Variants in GNG7 observed in about 807,000 individuals in gnomAD.
GNG7 encodes the protein guanine nucleotide-binding protein G(I)/G(S)/G(O) subunit gamma-7.
Under a neutral mutation model 4.0 loss-of-function variants are expected in GNG7, and 1 was observed. The ratio of observed to expected loss-of-function variants is 0.25; its 90% CI spans 0.09 to 1.18. The LOEUF is 1.18. GNG7 is among the 50% of genes most tolerant of loss of function. GNG7 has a pLI of 0.50. For missense variants in GNG7, 86 were observed against 91.9 expected (o/e 0.94, Z 0.26); for synonymous variants, 34 against 36.9 (o/e 0.92, Z 0.29).
In GNG7 at chr19:2,571,588, C is replaced by CTTTTTTTTTTTTTTTTTTTTTTTT. The variant is rs779497111; in HGVS notation, c.-77-16424_-77-16401dup. On this transcript the variant is annotated intron_variant, in intron 2 of 4. Coordinates refer to ENST00000382159, the MANE Select transcript of GNG7 (RefSeq NM_052847.3). ...GGTCACTTTTCTTTTCATTTCTTTC[C>CTTTTTTTTTTTTTTTTTTTTTTTT]TTTTTTTTTTTTTTTTTTTTTTTTT... is the stretch of plus-strand genomic sequence containing the variant. Among the ~76,000 whole-genome samples, 5 of 68,014 alleles carry CTTTTTTTTTTTTTTTTTTTTTTTT rather than the reference C, an allele frequency of 7.4e-5. 1 individual carries two copies. Among genetic ancestry groups the CTTTTTTTTTTTTTTTTTTTTTTTT allele is most frequent in the South Asian group, 1.1e-3 (2 of 1,802 alleles). 44.6% of individuals were successfully genotyped at this position (68,014 alleles called of 152,430 possible).
chr19:2,552,552 T>C (rs1208860464), intron 3 of GNG7, among the ~76,000 whole-genome samples: 1 of 151,750 alleles, frequency 6.6e-6, no homozygotes, highest in Non-Finnish European at 1.5e-5. Context: ...GCCTGGCTAA[T>C]TTTTGTATTT....
At chr19:2,591,248 C>T (rs1238197088) in intron 2 of GNG7, among the ~76,000 whole-genome samples, 1 of 152,074 alleles carries the variant, frequency 6.6e-6, no homozygotes, top group Admixed American at 6.6e-5. Context: ...ATAATCATCC[C>T]TCCTTGCTGT....
intron 2 of GNG7, among the ~76,000 whole-genome samples, chr19:2,594,396 AAAG>A (rs1980946454): frequency 7.8e-6 from 1 of 128,180 alleles, no homozygotes; most frequent in African/African-American, 2.8e-5. Flanking sequence ...AGAAGGAAAG[AAAG>A]AAGGAGGGAA....
chr19:2,667,645 T>G (rs1428822288), intron 1 of GNG7, among the ~76,000 whole-genome samples: 1 of 152,046 alleles, frequency 6.6e-6, no homozygotes, highest in Non-Finnish European at 1.5e-5. Flanking sequence ...CCGAGCGCAA[T>G]GGCTCATGCC....
At chr19:2,673,003 T>C (rs1050736010) in intron 1 of GNG7, among the ~76,000 whole-genome samples, 20 of 150,028 alleles carry the variant, frequency 1.3e-4, no homozygotes, top group Non-Finnish European at 2.1e-4. Flanking sequence ...ATGCCTGTAA[T>C]CCCAGCACTT....
chr19:2,542,201 G>T (rs544703466), intron 3 of GNG7, among the ~76,000 whole-genome samples: 1 of 129,944 alleles, frequency 7.7e-6, no homozygotes, highest in African/African-American at 2.9e-5. Flanking sequence ...CGCAACCTCC[G>T]CCTCCCAGGT....
chr19:2,511,663 T>TG lies in GNG7; in HGVS notation c.*3358dup. The TG allele has an allele frequency of 2.8e-6, 1 of 354,204 alleles. No homozygotes were observed. Among genetic ancestry groups the TG allele is most frequent in the Non-Finnish European group, 4.0e-6 (1 of 252,808 alleles). 21.9% of individuals were successfully genotyped at this position (354,204 alleles called of 1,614,324 possible). ...ACTTGGGCAGGACGGGCTGTTAACT[T>TG]GGAGATGGATGCGTGGCCTGGAGGC... is the stretch of plus-strand genomic sequence containing the variant. On this transcript the variant is annotated 3_prime_UTR_variant, in exon 5 of 5. Transcript: ENST00000382159. This position sits in a 1 kb window ranked among gnomAD's most constrained non-coding sequence, Gnocchi z 6.3.
At chr19:2,643,124 C>T in intron 2 of GNG7, 1 of 454,500 alleles carries the variant, frequency 2.2e-6, no homozygotes, top group Non-Finnish European at 4.4e-6. Context: ...TGAGCCCTCT[C>T]CGGGCTCTGC....
intron 3 of GNG7, among the ~76,000 whole-genome samples, chr19:2,528,917 T>C (rs1307826336): frequency 1.3e-5 from 2 of 152,216 alleles, no homozygotes; most frequent in African/African-American, 4.8e-5. Flanking sequence ...TAAACACAGC[T>C]GCTGGAAAGA....
At chr19:2,551,590 C>CAAATATATATGTATAAATATGT (rs1568240124) in intron 3 of GNG7, among the ~76,000 whole-genome samples, 2 of 122,574 alleles carry the variant, frequency 1.6e-5, no homozygotes, top group Admixed American at 1.7e-4. Context: ...TATAAATATG[C>CAAATATATATGTATAAATATGT]ATTTATAAAT....
Position 2,590,428 on chromosome 19 carries a change from T to A in GNG7, c.-77-35240A>T, listed in dbSNP as rs150273467. ...TGTCGTCTATATCTATGTCTCTATA[T>A]CTATTCATCCATCCACCCATCCATT... On this transcript the variant is annotated intron_variant, in intron 2 of 4. Coordinates refer to ENST00000382159, the MANE Select transcript of GNG7 (RefSeq NM_052847.3). 8.4e-4 allele frequency among the ~76,000 whole-genome samples: 128 copies of A among 152,148 alleles called. 1 individual carries two copies. Among genetic ancestry groups the A allele is most frequent in the African/African-American group, 2.9e-3 (122 of 41,536 alleles).
intron 2 of GNG7, among the ~76,000 whole-genome samples, chr19:2,569,554 C>A (rs575960025): frequency 3.8e-4 from 58 of 152,306 alleles, no homozygotes; most frequent in African/African-American, 1.3e-3. Context: ...GGATTACAGG[C>A]GTGAGTCACC....
intron 1 of GNG7, among the ~76,000 whole-genome samples, chr19:2,647,643 G>A (rs1982700094): frequency 6.6e-6 from 1 of 152,062 alleles, no homozygotes; most frequent in Admixed American, 6.6e-5. Context: ...GCTTGATCCT[G>A]GGAGATCAAG....
intron 3 of GNG7, among the ~76,000 whole-genome samples, chr19:2,554,563 T>A (rs202027049): frequency 0.019 from 2,429 of 126,188 alleles, 38 homozygotes; most frequent in African/African-American, 0.051. Context: ...ATATATATTT[T>A]TTTTTTTTTG....
chr19:2,698,532 C>G (rs1913326335), intron 1 of GNG7, among the ~76,000 whole-genome samples: 1 of 151,700 alleles, frequency 6.6e-6, no homozygotes, highest in Non-Finnish European at 1.5e-5. Context: ...CCATTGCACT[C>G]CAGCCTTGGT....
intron 1 of GNG7, among the ~76,000 whole-genome samples, chr19:2,695,741 G>A (rs1250555493): frequency 6.6e-6 from 1 of 152,138 alleles, no homozygotes; most frequent in East Asian, 1.9e-4. Context: ...TCAGTGCCCA[G>A]GAAGCTTACT....
In GNG7 at chr19:2,533,139, A is replaced by C. The variant is rs79519570; in HGVS notation, c.-37-12414T>G. Among the ~76,000 whole-genome samples, 303 of 151,928 alleles carry C rather than the reference A, an allele frequency of 2.0e-3. 5 individuals carry two copies. In the East Asian group the frequency reaches 0.05, roughly 25 times the overall value. ...GAATAAACTATTGAGAGATCAAGCA[A>C]CGTGTATGATTCTCAAAAATATAAA... On this transcript the variant is annotated intron_variant, in intron 3 of 4. Transcript: ENST00000382159.
At chr19:2,550,208 G>A (rs2010172) in intron 3 of GNG7, among the ~76,000 whole-genome samples, 35,846 of 151,990 alleles carry the variant, frequency 0.24, 4,625 homozygotes, top group Middle Eastern at 0.44. Context: ...TCCAGCCCCC[G>A]TGGCGACCCT....
At chr19:2,574,220 C>A (rs1450273286) in intron 2 of GNG7, among the ~76,000 whole-genome samples, 2 of 152,256 alleles carry the variant, frequency 1.3e-5, no homozygotes, top group African/African-American at 2.4e-5. Context: ...CGGGAACACG[C>A]ATCTCATATG....
Sources: allele counts gnomAD v4.1 joint callset (sites outside exome capture counted in the v4.1 genomes callset), GRCh38; gene constraint gnomAD v4.1.1; non-coding constraint Gnocchi (gnomAD v3.1); transcripts MANE v1.5; gene names NCBI Gene and HGNC (gene_info 2026-07-23, HGNC 2026-07-21).